The following PXDNL variants were observed in gnomAD, a reference collection of about 807,000 sequenced individuals.
PXDNL encodes peroxidasin like, also known as probable oxidoreductase PXDNL.
In PXDNL, 145 loss-of-function variants were observed where a neutral mutation model predicts 150.8. The ratio of observed to expected loss-of-function variants is 0.96; its 90% CI spans 0.84 to 1.10. PXDNL has a LOEUF of 1.10. Among genes scored for constraint, PXDNL ranks in the 50% least tolerant of loss-of-function variants. The pLI, the probability that PXDNL is intolerant of heterozygous loss-of-function variation, is 0.00. For missense variants in PXDNL, 2,087 were observed against 1,873.9 expected, an observed-to-expected ratio of 1.11 and a Z score of -2.10; for synonymous variants, 757 against 725.7, an observed-to-expected ratio of 1.04 and a Z score of -0.69.
chr8:51,776,281 T>C (rs967775960), intron 1 of PXDNL, among the ~76,000 whole-genome samples: 2 of 152,172 alleles, frequency 1.3e-5, no homozygotes, highest in Non-Finnish European at 2.9e-5. Context: ...TTGTGAAGCA[T>C]GTGATCTCTG....
At chr8:51,484,217 A>G (rs754696484) in intron 5 of PXDNL, among the ~76,000 whole-genome samples, 109 of 152,044 alleles carry the variant, frequency 7.2e-4, no homozygotes, top group Non-Finnish European at 1.4e-3. Context: ...TGGGCGGATG[A>G]CTTGAGGCCA....
In PXDNL at chr8:51,535,691, G is replaced by A. The variant is rs965727164; in HGVS notation, c.380+21149C>T. Among the ~76,000 whole-genome samples the A allele has an allele frequency of 5.0e-5, 7 of 138,696 alleles. No homozygotes were observed. The East Asian group carries it at 1.1e-3, about 21-fold the overall frequency. 91.0% of individuals were successfully genotyped at this position (138,696 alleles called of 152,430 possible). ...ATGACCCTGCCAAATCCCCCTCTGC[G>A]AGAAACACCCAAGAATGATCAATAA... On this transcript the variant is annotated intron_variant, in intron 4 of 22. Coordinates refer to ENST00000356297, the MANE Select transcript of PXDNL (RefSeq NM_144651.5).
chr8:51,471,690 TG>T (rs1410688297), intron 8 of PXDNL, among the ~76,000 whole-genome samples: 2 of 151,116 alleles, frequency 1.3e-5, no homozygotes, highest in African/African-American at 4.9e-5. Context: ...TTTTTTTTTT[TG>T]GTTTTTTTTT....
rs540607632 is a variant in PXDNL at position 51,719,521 on chromosome 8, C to T, written c.165-64761G>A. On this transcript the variant is annotated intron_variant, in intron 1 of 22. Transcript: ENST00000356297. The stretch of plus-strand genomic sequence containing the variant: ...AACACTGCGGAAGGCCGCAGGGTCC[C>T]CTGCCTAGGAAAACCAGAGACCTTT... Among the ~76,000 whole-genome samples the T allele has an allele frequency of 2.0e-3, 307 of 152,212 alleles. 1 individual carries two copies. Among genetic ancestry groups the T allele is most frequent in the Admixed American group, 5.0e-3 (76 of 15,300 alleles).
chr8:51,608,836 C>CAAAAAAAAAAAAA (rs59195880), intron 2 of PXDNL, among the ~76,000 whole-genome samples: 1 of 59,594 alleles, frequency 1.7e-5, no homozygotes, highest in Non-Finnish European at 3.3e-5. Flanking sequence ...GACTCTGTCT[C>CAAAAAAAAAAAAA]AAAAAAAAAA....
At chr8:51,648,677 A>T (rs906552964) in intron 2 of PXDNL, among the ~76,000 whole-genome samples, 2 of 152,148 alleles carry the variant, frequency 1.3e-5, no homozygotes, top group African/African-American at 4.8e-5. Flanking sequence ...TCCTTACACT[A>T]TATTTTACAT....
At chr8:51,576,970 T>C (rs1813068667) in intron 3 of PXDNL, among the ~76,000 whole-genome samples, 1 of 151,924 alleles carries the variant, frequency 6.6e-6, no homozygotes, top group Admixed American at 6.6e-5. Flanking sequence ...ATGTGAATAG[T>C]GCTATAACTA....
chr8:51,695,235 A>G (rs1335678584), intron 1 of PXDNL, among the ~76,000 whole-genome samples: 1 of 152,206 alleles, frequency 6.6e-6, no homozygotes, highest in Non-Finnish European at 1.5e-5. Flanking sequence ...TTTTTTGCTT[A>G]AGAATGAAAG....
At chr8:51,441,949 T>A (rs1372806092) in intron 12 of PXDNL, among the ~76,000 whole-genome samples, 3 of 152,072 alleles carry the variant, frequency 2.0e-5, no homozygotes, top group Non-Finnish European at 4.4e-5. Context: ...CAGAGCACCC[T>A]GATGACCAAA....
chr8:51,501,769 T>C (rs1034273342), intron 4 of PXDNL, among the ~76,000 whole-genome samples: 41 of 152,178 alleles, frequency 2.7e-4, no homozygotes, highest in African/African-American at 9.4e-4. Flanking sequence ...ACCTGTGTCA[T>C]TGGTCTAGCA....
At chr8:51,737,251 CCTCTA>C (rs1349448054) in intron 1 of PXDNL, among the ~76,000 whole-genome samples, 1 of 152,186 alleles carries the variant, frequency 6.6e-6, no homozygotes, top group Non-Finnish European at 1.5e-5. Flanking sequence ...CATCATGTAT[CCTCTA>C]CTCTAAACAC....
intron 2 of PXDNL, among the ~76,000 whole-genome samples, chr8:51,612,462 T>C (rs900540967): frequency 6.6e-6 from 1 of 152,204 alleles, no homozygotes; most frequent in African/African-American, 2.4e-5. Flanking sequence ...CTTCCCCTTT[T>C]CCCTTTAGGG....
intron 1 of PXDNL, among the ~76,000 whole-genome samples, chr8:51,751,130 GAA>G (rs909785897): frequency 6.6e-6 from 1 of 152,008 alleles, no homozygotes; most frequent in African/African-American, 2.4e-5. Flanking sequence ...ATTTTGCCAA[GAA>G]AAATTGGAAG....
At chr8:51,701,855 G>T (rs944387694) in intron 1 of PXDNL, among the ~76,000 whole-genome samples, 6 of 152,080 alleles carry the variant, frequency 3.9e-5, no homozygotes, top group Admixed American at 3.9e-4. Context: ...CAAGTCCAGT[G>T]GTTCTTGGAT....
chr8:51,396,307 G>C (rs1679502062), intron 17 of PXDNL, among the ~76,000 whole-genome samples: 1 of 152,234 alleles, frequency 6.6e-6, no homozygotes, highest in Non-Finnish European at 1.5e-5. Context: ...AACCATATGT[G>C]CTGCTGGATG....
intron 4 of PXDNL, among the ~76,000 whole-genome samples, chr8:51,551,356 A>G (rs187789592): frequency 6.6e-6 from 1 of 152,226 alleles, no homozygotes; most frequent in Admixed American, 6.5e-5. Context: ...ACCAAAAAAG[A>G]GCCCACAAAA....
At position 51,773,708 on chromosome 8, in the gene PXDNL, C is replaced by T. The variant is rs545062811; in HGVS notation, c.164+35473G>A. Among the ~76,000 whole-genome samples, 91 of 152,306 alleles carry T rather than the reference C, an allele frequency of 6.0e-4. 1 individual carries two copies. The highest frequency in any genetic ancestry group is 2.1e-3 in the African/African-American group (86 of 41,568). On this transcript the variant is annotated intron_variant, in intron 1 of 22. Coordinates refer to ENST00000356297, the MANE Select transcript of PXDNL (RefSeq NM_144651.5). ...TTACAATGCTAGTTACTTTTATTCA[C>T]ATTTATTAAGTTTAACATTCTGCTA... is the stretch of plus-strand genomic sequence containing the variant.
intron 4 of PXDNL, among the ~76,000 whole-genome samples, chr8:51,533,227 T>C (rs377624717): frequency 1.3e-4 from 20 of 152,300 alleles, no homozygotes; most frequent in East Asian, 1.2e-3. Context: ...CTCAGCTCAC[T>C]GCAACCTCTG....
intron 6 of PXDNL, among the ~76,000 whole-genome samples, chr8:51,477,986 G>A (rs1810519758): frequency 6.6e-6 from 1 of 152,104 alleles, no homozygotes; most frequent in Non-Finnish European, 1.5e-5. Flanking sequence ...CTCCTTTTAT[G>A]TTCAGAAAAT....
Sources: allele counts gnomAD v4.1 joint callset (sites outside exome capture counted in the v4.1 genomes callset), GRCh38; gene constraint gnomAD v4.1.1; transcripts MANE v1.5; gene names NCBI Gene and HGNC (gene_info 2026-07-23, HGNC 2026-07-21).